The following TUSC3 variants were observed in gnomAD, a reference collection of about 807,000 sequenced individuals.
The protein encoded by TUSC3 is tumor suppressor candidate 3, also known as dolichyl-diphosphooligosaccharide--protein glycosyltransferase subunit TUSC3.
A neutral mutation model predicts 44.8 loss-of-function variants in TUSC3; 45 were observed. That is an observed-to-expected ratio of 1.00 (90% CI 0.79 to 1.29). TUSC3 has a LOEUF of 1.29. TUSC3 is among the 50% of genes most tolerant of loss of function. The pLI, the probability that TUSC3 is intolerant of heterozygous loss-of-function variation, is 0.00. For missense variants in TUSC3, 519 were observed against 437.9 expected, an observed-to-expected ratio of 1.19 and a Z score of -1.65; for synonymous variants, 212 against 152.9, an observed-to-expected ratio of 1.39 and a Z score of -2.85.
At chr8:15,595,074 C>T (rs887408034) in intron 1 of TUSC3, among the ~76,000 whole-genome samples, 2 of 152,192 alleles carry the variant, frequency 1.3e-5, no homozygotes, top group Non-Finnish European at 2.9e-5. Context: ...GCTATTCCCA[C>T]CAGTCCCTCC....
chr8:15,653,234 G>A (rs1268685891), intron 3 of TUSC3, among the ~76,000 whole-genome samples: 2 of 152,166 alleles, frequency 1.3e-5, no homozygotes, highest in African/African-American at 2.4e-5. Context: ...CTTGACCTCA[G>A]TGGGAGAGGC....
intron 1 of TUSC3, among the ~76,000 whole-genome samples, chr8:15,597,839 T>G (rs1804133797): frequency 6.6e-6 from 1 of 152,082 alleles, no homozygotes; most frequent in Non-Finnish European, 1.5e-5. Flanking sequence ...CCTACATTTT[T>G]AAGGCATTTG....
rs188023418 is a variant in TUSC3, at chr8:15,463,448, G to A, written n.92-19938G>A. 3.3e-5 allele frequency among the ~76,000 whole-genome samples: 5 copies of A among 152,060 alleles called. No homozygotes were observed. In the East Asian group the frequency reaches 9.7e-4, roughly 29 times the overall value. ...TTTTTAAAAGATAATGTTTATTACCGGTGTCATAATTGGACCTAATAAACT... is the reference window on the plus strand; with the variant it reads ...TTTTTAAAAGATAATGTTTATTACCAGTGTCATAATTGGACCTAATAAACT... On this transcript the variant is annotated intron_variant and non_coding_transcript_variant, in intron 1 of 5. Transcript: ENST00000503191.
intron 2 of TUSC3, among the ~76,000 whole-genome samples, chr8:15,526,101 C>T (rs776893042): frequency 6.6e-6 from 1 of 151,986 alleles, no homozygotes; most frequent in Admixed American, 6.5e-5. Context: ...GGCACCATCT[C>T]GGCTCACTGC....
chr8:15,731,494 A>C (rs1208036565), intron 7 of TUSC3, among the ~76,000 whole-genome samples: 1 of 152,128 alleles, frequency 6.6e-6, no homozygotes, highest in South Asian at 2.1e-4. Context: ...TATATAACCA[A>C]AGGTGTAAAT....
At chr8:15,641,488 G>A (rs1367074189) in intron 2 of TUSC3, among the ~76,000 whole-genome samples, 1 of 152,140 alleles carries the variant, frequency 6.6e-6, no homozygotes, top group Non-Finnish European at 1.5e-5. Flanking sequence ...GAGAGTGAGA[G>A]GGGAAGACAC....
intron 8 of TUSC3, among the ~76,000 whole-genome samples, chr8:15,746,130 T>C (rs1278227878): frequency 6.6e-6 from 1 of 152,094 alleles, no homozygotes; most frequent in African/African-American, 2.4e-5. Context: ...GTGGAGGAGA[T>C]ACTGTTAATT....
chr8:15,592,615 T>C (rs545040371), intron 1 of TUSC3, among the ~76,000 whole-genome samples: 3 of 152,316 alleles, frequency 2.0e-5, no homozygotes, highest in Non-Finnish European at 2.9e-5. Flanking sequence ...GATTGTGAGC[T>C]TCCTGAGGCC....
At chr8:15,836,667 A>G in the TUSC3 span, among the ~76,000 whole-genome samples, 1 of 152,062 alleles carries the variant, frequency 6.6e-6, no homozygotes, top group African/African-American at 2.4e-5. Flanking sequence ...ATATTAATCT[A>G]TCTATCTTCC....
chr8:15,807,108 T>C, the TUSC3 span: 1 of 1,227,284 alleles, frequency 8.1e-7, no homozygotes, highest in Non-Finnish European at 1.2e-6. Flanking sequence ...ATGCCCGTTA[T>C]ACACAGCAAA....
intron 6 of TUSC3, among the ~76,000 whole-genome samples, chr8:15,716,186 G>A (rs547926791): frequency 6.6e-6 from 1 of 152,146 alleles, no homozygotes; most frequent in African/African-American, 2.4e-5. Flanking sequence ...AGCCCAGTAG[G>A]TGGAGGTTGC....
chr8:15,692,682 A>G (rs1403998060), intron 6 of TUSC3, among the ~76,000 whole-genome samples: 2 of 145,980 alleles, frequency 1.4e-5, no homozygotes, highest in Non-Finnish European at 3.0e-5. Flanking sequence ...TTCTATTTCC[A>G]TGGAGTCAGT....
the TUSC3 span, among the ~76,000 whole-genome samples, chr8:15,812,986 C>T: frequency 1.3e-5 from 2 of 152,094 alleles, no homozygotes; most frequent in Admixed American, 6.6e-5. Context: ...CCCAGCTACT[C>T]AGGAGGCTGA....
intron 2 of TUSC3, among the ~76,000 whole-genome samples, chr8:15,486,780 C>G (rs1266849441): frequency 6.6e-6 from 1 of 152,140 alleles, no homozygotes; most frequent in Non-Finnish European, 1.5e-5. Flanking sequence ...CCTATATTTT[C>G]CTTTTACTGG....
intron 1 of TUSC3, among the ~76,000 whole-genome samples, chr8:15,599,094 C>T (rs1391371249): frequency 2.0e-5 from 3 of 151,886 alleles, no homozygotes; most frequent in African/African-American, 7.2e-5. Flanking sequence ...TACACATCCT[C>T]TCTAGCAGTT....
At chr8:15,576,582 A>G (rs1803125898) in intron 1 of TUSC3, among the ~76,000 whole-genome samples, 1 of 145,192 alleles carries the variant, frequency 6.9e-6, no homozygotes, top group African/African-American at 2.6e-5. Context: ...TGTTCTTGTG[A>G]TAGTTTACTG....
intron 2 of TUSC3, among the ~76,000 whole-genome samples, chr8:15,498,874 C>G (rs916868803): frequency 6.6e-6 from 1 of 152,208 alleles, no homozygotes; most frequent in Non-Finnish European, 1.5e-5. Flanking sequence ...ATAGTCTAAT[C>G]AGTACAATGA....
chr8:15,717,515 C>G (rs1240447239), intron 6 of TUSC3, among the ~76,000 whole-genome samples: 3 of 152,050 alleles, frequency 2.0e-5, no homozygotes, highest in African/African-American at 7.2e-5. Flanking sequence ...AACAGTTTTG[C>G]TTTCCATCCT....
the TUSC3 span, among the ~76,000 whole-genome samples, chr8:15,830,772 AG>A: frequency 2.0e-5 from 3 of 152,194 alleles, no homozygotes; most frequent in Non-Finnish European, 4.4e-5. Flanking sequence ...GGAAGGTGGA[AG>A]GGGGATCAGG....
Sources: gnomAD v4.1 joint callset for allele counts (sites outside exome capture counted in the v4.1 genomes callset) on GRCh38, gnomAD v4.1.1 for gene constraint, MANE v1.5 for transcripts, NCBI Gene and HGNC (gene_info 2026-07-23, HGNC 2026-07-21) for gene names.